SAMD3: variants seen among roughly 807,000 people sequenced by gnomAD.
SAMD3 encodes the protein sterile alpha motif domain-containing protein 3.
A neutral mutation model predicts 58.5 loss-of-function variants in SAMD3; 63 were observed. The observed-to-expected ratio is 1.08, with a 90% CI of 0.88 to 1.33. The LOEUF (loss-of-function observed/expected upper bound fraction) is 1.33, where lower values mean the gene tolerates loss of function less well. SAMD3 is among the 40% of genes most tolerant of loss of function. The pLI, the probability that SAMD3 is intolerant of heterozygous loss-of-function variation, is 0.00. For missense variants in SAMD3, 604 were observed against 608.4 expected (o/e 0.99, Z 0.08); for synonymous variants, 220 against 210.3 (o/e 1.05, Z -0.40).
chr6:130,154,903 T>G lies in SAMD3; in HGVS notation c.945A>C (p.Ile315=), dbSNP rs748857581. The change falls in exon 9 of 12, where the codon ATA becomes ATC. Residue 315 remains isoleucine, a synonymous_variant. Coordinates refer to ENST00000439090, the MANE Select transcript of SAMD3 (RefSeq NM_001017373.4). ...IDKRMSQTLE[I]RRKMIGSRTP... ...TTCGGCTGCCAATCATCTTTCTTCT[T>G]ATTTCCAAAGTTTGGCTCATTCTCT... is the stretch of plus-strand genomic sequence containing the variant. 37 of 1,613,480 alleles carry G rather than the reference T, an allele frequency of 2.3e-5. No individual in the cohort carries two copies. Among genetic ancestry groups the G allele is most frequent in the Admixed American group, 1.2e-4 (7 of 59,962 alleles).
At chr6:130,265,048 A>T (rs936768807) in intron 2 of SAMD3, among the ~76,000 whole-genome samples, 3 of 152,182 alleles carry the variant, frequency 2.0e-5, no homozygotes, top group African/African-American at 7.2e-5. Flanking sequence ...AACATAAAGT[A>T]CCCCCATGCT....
At chr6:130,276,454 G>T (rs1012266019) in intron 2 of SAMD3, among the ~76,000 whole-genome samples, 1 of 152,020 alleles carries the variant, frequency 6.6e-6, no homozygotes, top group African/African-American at 2.4e-5. Context: ...AGAATGTATA[G>T]GTAAGTAAAG....
At chr6:130,291,212 T>C (rs1775350339) in intron 2 of SAMD3, among the ~76,000 whole-genome samples, 1 of 152,192 alleles carries the variant, frequency 6.6e-6, no homozygotes, top group African/African-American at 2.4e-5. Context: ...TGCCTCAGCC[T>C]CCCAAGTAGC....
chr6:130,178,090 T>TC (rs2114677437), intron 7 of SAMD3, among the ~76,000 whole-genome samples: 1 of 152,264 alleles, frequency 6.6e-6, no homozygotes, highest in East Asian at 1.9e-4. Context: ...TTCTCCTGCC[T>TC]CAGCCTCCTG....
rs148890315 is a variant in SAMD3, at chr6:130,201,397, A to G, written c.383+8098T>C. ...TATTCATCTAATCCTTTGTTACTCAAAACGTGGTCTTAGAACAGCACTGGA... is the reference window on the plus strand; with the variant it reads ...TATTCATCTAATCCTTTGTTACTCAGAACGTGGTCTTAGAACAGCACTGGA... On this transcript the variant is annotated intron_variant, in intron 5 of 11. Transcript: ENST00000439090. Among the ~76,000 whole-genome samples the G allele has an allele frequency of 6.3e-3, 959 of 152,290 alleles. 11 individuals carry two copies. The highest frequency in any genetic ancestry group is 0.022 in the African/African-American group (919 of 41,556).
At chr6:130,207,362 A>G (rs1449261416) in intron 5 of SAMD3, among the ~76,000 whole-genome samples, 1 of 151,998 alleles carries the variant, frequency 6.6e-6, no homozygotes, top group Admixed American at 6.6e-5. Context: ...GGCAAGCATT[A>G]TCTATTCTTA....
rs185263840 is a variant in SAMD3, at chr6:130,287,920, G to A, written c.-188+25058C>T. Among the ~76,000 whole-genome samples, 143 of 150,206 alleles carry A rather than the reference G, an allele frequency of 9.5e-4. 1 individual carries two copies. The highest frequency in any genetic ancestry group is 1.6e-3 in the African/African-American group (64 of 40,880). On this transcript the variant is annotated intron_variant, in intron 2 of 13. Coordinates refer to the SAMD3 transcript ENST00000368134. ...AGATCACGCCACTGCACTCCAGCCT[G>A]GTGACAGAGCATGACTCCGTCTCAA... is the stretch of plus-strand genomic sequence containing the variant.
At chr6:130,198,503 C>A (rs184511891) in intron 5 of SAMD3, among the ~76,000 whole-genome samples, 63 of 152,344 alleles carry the variant, frequency 4.1e-4, no homozygotes, top group Middle Eastern at 3.4e-3. Flanking sequence ...GCCACCACAT[C>A]TAGCCTAAAT....
exon 1 of SAMD3, chr6:130,365,354 C>T (rs944105455): frequency 1.0e-6 from 1 of 985,652 alleles, no homozygotes; most frequent in East Asian, 1.1e-4. Flanking sequence ...CTCGCCCCCC[C>T]AAGCCGTTCT....
At chr6:130,186,313 C>T (rs112699959) in intron 5 of SAMD3, among the ~76,000 whole-genome samples, 1 of 152,082 alleles carries the variant, frequency 6.6e-6, no homozygotes, top group South Asian at 2.1e-4. Flanking sequence ...TTAGGTCATC[C>T]TTTATAAGAA....
chr6:130,159,849 T>G (rs1464842257), intron 8 of SAMD3: 1 of 151,758 alleles, frequency 6.6e-6, no homozygotes, highest in Non-Finnish European at 1.5e-5. Flanking sequence ...GAACAGACAC[T>G]TTACAGAGGA....
chr6:130,150,688 G>T (rs1017781688), intron 9 of SAMD3, among the ~76,000 whole-genome samples: 1 of 151,450 alleles, frequency 6.6e-6, no homozygotes, highest in Non-Finnish European at 1.5e-5. Context: ...TGTTCTGCAG[G>T]GTCTCTACAC....
chr6:130,317,038 A>G (rs1235356159), intron 1 of SAMD3, among the ~76,000 whole-genome samples: 1 of 152,158 alleles, frequency 6.6e-6, no homozygotes, highest in East Asian at 1.9e-4. Context: ...TGGTCTGTGG[A>G]TTTTTAGAAT....
chr6:130,264,897 G>A (rs1007807246), intron 2 of SAMD3, among the ~76,000 whole-genome samples: 11 of 151,988 alleles, frequency 7.2e-5, no homozygotes, highest in Admixed American at 4.6e-4. Flanking sequence ...CCAGACTGTA[G>A]GGCGCTGGCA....
chr6:130,200,405 CG>C (rs1283888376), intron 5 of SAMD3, among the ~76,000 whole-genome samples: 2 of 150,882 alleles, frequency 1.3e-5, no homozygotes, highest in African/African-American at 4.9e-5. Flanking sequence ...AAAAATTAGC[CG>C]GGCGTGGTTG....
At chr6:130,148,951 A>G (rs2114554906) in intron 9 of SAMD3, among the ~76,000 whole-genome samples, 1 of 152,270 alleles carries the variant, frequency 6.6e-6, no homozygotes, top group Non-Finnish European at 1.5e-5. Context: ...TTTCTCATAG[A>G]AGAAATCTAG....
intron 1 of SAMD3, among the ~76,000 whole-genome samples, chr6:130,333,348 C>G (rs923207153): frequency 6.6e-6 from 1 of 152,178 alleles, no homozygotes; most frequent in Non-Finnish European, 1.5e-5. Context: ...AGACTTTTGA[C>G]TTTGACCCAC....
At chr6:130,190,011 C>A (rs995213063) in intron 5 of SAMD3, among the ~76,000 whole-genome samples, 1 of 152,008 alleles carries the variant, frequency 6.6e-6, no homozygotes. Context: ...TTTCGGGCAA[C>A]CCATTATGTG....
Position 130,146,147 on chromosome 6 carries a change from T to C in SAMD3, c.1058A>G (p.Asp353Gly). Reference sequence around the variant, plus strand: ...AATGTGCCTTGTTTTCTTATAAATATCTGTTCTTGTAAGAAGTTGGAATTC... The same window carrying C: ...AATGTGCCTTGTTTTCTTATAAATACCTGTTCTTGTAAGAAGTTGGAATTC... ...FREFQLLTRT[D>G]IYKKTRHILE... Residue 353 changes from aspartate to glycine, a missense_variant, in exon 10 of 12, where the codon GAT (aspartate) becomes GGT (glycine). By Grantham distance (94) the Asp-to-Gly change is moderately conservative. Coordinates refer to ENST00000439090, the MANE Select transcript of SAMD3 (RefSeq NM_001017373.4). 4 of 1,595,628 alleles carry C rather than the reference T, an allele frequency of 2.5e-6. No individual in the cohort carries two copies. The highest frequency in any genetic ancestry group is 1.1e-5 in the South Asian group (1 of 87,020).
Sources: gnomAD v4.1 joint callset for allele counts (sites outside exome capture counted in the v4.1 genomes callset) on GRCh38, gnomAD v4.1.1 for gene constraint, MANE v1.5 for transcripts, NCBI Gene and HGNC (gene_info 2026-07-23, HGNC 2026-07-21) for gene names.